The following TUSC3 variants were observed in gnomAD, a reference collection of about 807,000 sequenced individuals.
The protein encoded by TUSC3 is dolichyl-diphosphooligosaccharide--protein glycosyltransferase subunit TUSC3.
In TUSC3, 45 loss-of-function variants were observed where a neutral mutation model predicts 44.8. The ratio of observed to expected loss-of-function variants is 1.00; its 90% CI spans 0.79 to 1.29. The LOEUF (loss-of-function observed/expected upper bound fraction) is 1.29, where lower values mean the gene tolerates loss of function less well. TUSC3 is among the 50% of genes most tolerant of loss of function. The pLI, the probability that TUSC3 is intolerant of heterozygous loss-of-function variation, is 0.00. For synonymous variants in TUSC3, 212 were observed against 152.9 expected (o/e 1.39, Z -2.85); for missense variants, 519 against 437.9 (o/e 1.19, Z -1.65).
chr8:15,722,526 C>G (rs1810339607), intron 6 of TUSC3, among the ~76,000 whole-genome samples: 2 of 152,018 alleles, frequency 1.3e-5, no homozygotes, highest in South Asian at 4.1e-4. Context: ...TTTACCATGC[C>G]TCTTATAGTA....
chr8:15,558,946 A>G (rs2129139322), intron 1 of TUSC3, among the ~76,000 whole-genome samples: 1 of 151,074 alleles, frequency 6.6e-6, no homozygotes, highest in East Asian at 2.0e-4. Context: ...GTCCTTTCAA[A>G]AAACCAGCTC....
At chr8:15,751,403 G>GTCTT (rs1337104104) in intron 9 of TUSC3, among the ~76,000 whole-genome samples, 4 of 152,244 alleles carry the variant, frequency 2.6e-5, no homozygotes, top group Admixed American at 2.0e-4. Context: ...ACTGAGTAAT[G>GTCTT]TCTTTATACT....
intron 1 of TUSC3, among the ~76,000 whole-genome samples, chr8:15,612,867 C>T (rs920254647): frequency 6.6e-6 from 1 of 151,868 alleles, no homozygotes; most frequent in African/African-American, 2.4e-5. Context: ...CAAAGCCAAC[C>T]GATCACCCAC....
chr8:15,548,633 T>C (rs1187694374), intron 1 of TUSC3, among the ~76,000 whole-genome samples: 1 of 151,888 alleles, frequency 6.6e-6, no homozygotes, highest in African/African-American at 2.4e-5. Flanking sequence ...CTCCTTGCTT[T>C]GTGAGTTAAT....
chr8:15,449,394 C>T (rs1449792506), intron 1 of TUSC3, among the ~76,000 whole-genome samples: 1 of 152,114 alleles, frequency 6.6e-6, no homozygotes, highest in Non-Finnish European at 1.5e-5. Flanking sequence ...GCAGAGGACA[C>T]GGAAATGTTA....
chr8:15,574,085 C>G (rs1178546693), intron 1 of TUSC3, among the ~76,000 whole-genome samples: 1 of 152,084 alleles, frequency 6.6e-6, no homozygotes, highest in African/African-American at 2.4e-5. Flanking sequence ...ATGGACCTAA[C>G]AAGAGAAGTT....
the TUSC3 span, among the ~76,000 whole-genome samples, chr8:15,808,092 A>C: frequency 6.6e-6 from 1 of 152,154 alleles, no homozygotes; most frequent in Non-Finnish European, 1.5e-5. Flanking sequence ...GCTTTTGAAC[A>C]TATTATTACA....
At chr8:15,492,790 A>C (rs2129125978) in intron 2 of TUSC3, among the ~76,000 whole-genome samples, 2 of 152,280 alleles carry the variant, frequency 1.3e-5, no homozygotes, top group Middle Eastern at 3.4e-3. Flanking sequence ...GGAAAAAAAA[A>C]AAAAGTGTAA....
Position 15,498,234 on chromosome 8 carries a change from C to T in TUSC3, n.189+14751C>T, listed in dbSNP as rs186275935. On this transcript the variant is annotated intron_variant and non_coding_transcript_variant, in intron 2 of 5. Transcript: ENST00000503191. ...GGTTTTAACCTTAAGATTGTACCTT[C>T]CAGTGGATAAAGATCATAAGAACAC... is the stretch of plus-strand genomic sequence containing the variant. Among the ~76,000 whole-genome samples, 9 of 152,210 alleles carry T rather than the reference C, an allele frequency of 5.9e-5. No homozygotes were observed. In the East Asian group the frequency reaches 1.5e-3, roughly 26 times the overall value.
intron 2 of TUSC3, among the ~76,000 whole-genome samples, chr8:15,644,261 C>T (rs1806521234): frequency 6.6e-6 from 1 of 152,180 alleles, no homozygotes; most frequent in African/African-American, 2.4e-5. Context: ...CCTAAGCCTT[C>T]CTGGATCCTT....
At chr8:15,746,256 A>T (rs968066293) in intron 8 of TUSC3, among the ~76,000 whole-genome samples, 2 of 151,560 alleles carry the variant, frequency 1.3e-5, no homozygotes, top group African/African-American at 4.9e-5. Flanking sequence ...ACCGTTTTCA[A>T]CTCCTCTCTT....
At chr8:15,504,559 T>C (rs1312836129) in intron 2 of TUSC3, among the ~76,000 whole-genome samples, 1 of 137,612 alleles carries the variant, frequency 7.3e-6, no homozygotes, top group African/African-American at 2.7e-5. Flanking sequence ...ATTTTAATCC[T>C]ATTAAAGGCA....
chr8:15,424,165 T>G (rs930369583), intron 1 of TUSC3, among the ~76,000 whole-genome samples: 2 of 151,690 alleles, frequency 1.3e-5, no homozygotes, highest in East Asian at 3.9e-4. Flanking sequence ...AGTTTTGTAT[T>G]TTTAGTATAG....
At chr8:15,508,618 TGCCC>T (rs1801091731) in intron 2 of TUSC3, among the ~76,000 whole-genome samples, 1 of 151,772 alleles carries the variant, frequency 6.6e-6, no homozygotes, top group African/African-American at 2.4e-5. Flanking sequence ...CCTGCCACCA[TGCCC>T]GGCTAATTTT....
At chr8:15,560,832 C>T (rs1258166956) in intron 1 of TUSC3, among the ~76,000 whole-genome samples, 68 of 97,726 alleles carry the variant, frequency 7.0e-4, no homozygotes, top group African/African-American at 2.5e-3. Context: ...ACGTAGTTCT[C>T]GAGCCTTGGT....
chr8:15,539,356 T>TTTTTC (rs1801593633), upstream of TUSC3, among the ~76,000 whole-genome samples: 1 of 131,578 alleles, frequency 7.6e-6, no homozygotes, highest in East Asian at 2.2e-4. Context: ...TTTTTTTTTT[T>TTTTTC]TTTTTTTTTT....
intron 1 of TUSC3, among the ~76,000 whole-genome samples, chr8:15,423,017 T>C (rs954978309): frequency 6.6e-6 from 1 of 152,212 alleles, no homozygotes; most frequent in South Asian, 2.1e-4. Context: ...ATGATAAATA[T>C]ATACAATTTT....
intron 6 of TUSC3, among the ~76,000 whole-genome samples, chr8:15,692,371 C>CCCCTT (rs1563175839): frequency 4.8e-4 from 9 of 18,806 alleles, no homozygotes; most frequent in South Asian, 3.6e-3. Context: ...CCCCCCCCCC[C>CCCCTT]TTTGTTTTTT....
At position 15,562,878 on chromosome 8, in the gene TUSC3, C is replaced by G. The variant is rs918295437; in HGVS notation, c.138+22310C>G. ...AGGTGAGGCTAATCCAGGATAATCTCTCATTTAAATAACTCAGAGTTAATA... is the reference window on the plus strand; with the variant it reads ...AGGTGAGGCTAATCCAGGATAATCTGTCATTTAAATAACTCAGAGTTAATA... On this transcript the variant is annotated intron_variant, in intron 1 of 10. Transcript: ENST00000503731. Among the ~76,000 whole-genome samples the G allele has an allele frequency of 3.9e-5, 6 of 152,178 alleles. No individual in the cohort carries two copies. The South Asian group carries it at 1.0e-3, about 26-fold the overall frequency.
Sources: allele counts gnomAD v4.1 joint callset (sites outside exome capture counted in the v4.1 genomes callset), GRCh38; gene constraint gnomAD v4.1.1; transcripts MANE v1.5; gene names NCBI Gene and HGNC (gene_info 2026-07-23, HGNC 2026-07-21).